The following MAP9 variants were observed in gnomAD, a reference collection of about 807,000 sequenced individuals.
MAP9 encodes microtubule-associated protein 9.
In MAP9, 80 loss-of-function variants were observed where a neutral mutation model predicts 75.2. The ratio of observed to expected loss-of-function variants is 1.06; its 90% CI spans 0.89 to 1.28. MAP9 has a LOEUF of 1.28. Ranked by LOEUF, MAP9 falls within the 50% of genes most tolerant of loss-of-function variation. The probability of loss-of-function intolerance (pLI) is 0.00; values close to 1 mark genes in which losing one functional copy is unlikely to be tolerated. For missense variants in MAP9, 753 were observed against 719.9 expected (o/e 1.05, Z -0.53); for synonymous variants, 235 against 237.3 (o/e 0.99, Z 0.09).
At chr4:155,356,343 T>C (rs1023153958) in intron 8 of MAP9, among the ~76,000 whole-genome samples, 17 of 152,060 alleles carry the variant, frequency 1.1e-4, no homozygotes, top group African/African-American at 4.1e-4. Flanking sequence ...AAATGTACAG[T>C]CTTAGTATAC....
At chr4:155,354,470 C>CTTTGT (rs1731671143) in intron 10 of MAP9, 1 of 126,502 alleles carries the variant, frequency 7.9e-6, no homozygotes, top group Non-Finnish European at 1.6e-5. Flanking sequence ...CTTGTCGTGC[C>CTTTGT]TTTTTTTTTT....
Position 155,353,320 on chromosome 4 carries a change from T to G in MAP9, c.1401A>C (p.Glu467Asp), listed in dbSNP as rs919707316. The G allele has an allele frequency of 2.5e-6, 4 of 1,576,504 alleles. No individual in the cohort carries two copies. In the African/African-American group the frequency reaches 4.1e-5, roughly 16 times the overall value. Residue 467 changes from glutamate (E) to aspartate (D), a missense_variant, in exon 11 of 14, where the codon GAA becomes GAC. Transcript: ENST00000311277. The stretch of plus-strand genomic sequence containing the variant: ...AGGCCTCAAATGATGCTAATGCTTC[T>G]TCTCTTTTAGCAGCTTTTTTCTACA... ...QNEQKKAAKR[E>D]EALASFEAWK...
intron 4 of MAP9, among the ~76,000 whole-genome samples, chr4:155,371,644 G>A (rs1732600483): frequency 6.6e-6 from 1 of 151,170 alleles, no homozygotes. Context: ...TATATAAGTA[G>A]AGCATTTAGG....
intron 5 of MAP9, 127 bp downstream of exon 5, chr4:155,368,459 T>C: frequency 1.3e-6 from 1 of 753,162 alleles, no homozygotes; most frequent in Non-Finnish European, 2.3e-6. Context: ...TCCTTATCAG[T>C]TGCAGAAGAA....
Position 155,362,141 on chromosome 4 carries a change from C to A in MAP9, c.709G>T (p.Asp237Tyr), listed in dbSNP as rs1278154941. The part of the protein sequence containing the change: ...KAFSENLDPE[D>Y]SCLTSLASSS... ...GATGCTAGACTTGTTAAGCATGAAT[C>A]CTGTTTTCGCAAAAAAAAATACATT... Residue 237 changes from aspartate to tyrosine, a missense_variant and splice_region_variant, in exon 6 of 14, where the codon GAT (aspartate) becomes TAT (tyrosine). Coordinates refer to ENST00000311277, the MANE Select transcript of MAP9 (RefSeq NM_001039580.2). The A allele has an allele frequency of 6.5e-7, 1 of 1,539,150 alleles. No individual in the cohort carries two copies. Among genetic ancestry groups the A allele is most frequent in the South Asian group, 1.2e-5 (1 of 81,072 alleles).
At chr4:155,370,974 A>G (rs933737146) in intron 4 of MAP9, among the ~76,000 whole-genome samples, 2 of 152,184 alleles carry the variant, frequency 1.3e-5, no homozygotes, top group South Asian at 2.1e-4. Context: ...AATGAGAACA[A>G]AGAGGTCTCA....
intron 5 of MAP9, among the ~76,000 whole-genome samples, chr4:155,366,040 T>A (rs1177728584): frequency 6.6e-6 from 1 of 152,040 alleles, no homozygotes; most frequent in Non-Finnish European, 1.5e-5. Flanking sequence ...AATTTTCAAA[T>A]CTAAAGATAA....
At chr4:155,368,121 A>G (rs1732412380) in intron 5 of MAP9, 1 of 181,474 alleles carries the variant, frequency 5.5e-6, no homozygotes, top group Admixed American at 5.7e-5. Flanking sequence ...GAAGAGTGCC[A>G]TGAACATTCA....
rs1451114058 is a variant in MAP9, at chr4:155,344,953, G to A, written c.*2830C>T. On this transcript the variant is annotated 3_prime_UTR_variant, in exon 14 of 14. Coordinates refer to ENST00000311277, the MANE Select transcript of MAP9 (RefSeq NM_001039580.2). The stretch of plus-strand genomic sequence containing the variant: ...GTGATCAACGCAATTTATAAAACCG[G>A]AACTTTTATATGAAAGTCTATATAC... The A allele has an allele frequency of 2.0e-5, 3 of 151,612 alleles. No homozygotes were observed. Among genetic ancestry groups the A allele is most frequent in the Non-Finnish European group, 4.4e-5 (3 of 67,792 alleles). 9.4% of individuals were successfully genotyped at this position (151,612 alleles called of 1,614,324 possible).
Position 155,373,266 on chromosome 4 carries a change from T to C in MAP9, c.351A>G (p.Ala117=). The C allele has an allele frequency of 1.9e-6, 3 of 1,613,788 alleles. No individual in the cohort carries two copies. The highest frequency in any genetic ancestry group is 2.5e-6 in the Non-Finnish European group (3 of 1,179,806). Residue 117 remains alanine, a synonymous_variant, in exon 4 of 14, where the codon GCA becomes GCG. Transcript: ENST00000311277. ...CAACAATGTCTTCACACCCATCAGG[T>C]GCCATTTCCTCTTCATTTTTGATGG... ...VCAIKNEEEM[A]PDGCEDIVVK...
chr4:155,361,873 A>C (rs1732095405), intron 6 of MAP9, among the ~76,000 whole-genome samples, 175 bp downstream of exon 6: 1 of 152,084 alleles, frequency 6.6e-6, no homozygotes, highest in African/African-American at 2.4e-5. Context: ...AGGCACTGAG[A>C]GATTAAGTTC....
intron 13 of MAP9, chr4:155,351,174 G>A (rs1201551443): frequency 6.6e-6 from 1 of 151,792 alleles, no homozygotes; most frequent in African/African-American, 2.4e-5. Flanking sequence ...CAATGGAACA[G>A]AAAGTTAAGA....
At chr4:155,359,654 A>C (rs1731975425) in intron 7 of MAP9, among the ~76,000 whole-genome samples, 1 of 152,112 alleles carries the variant, frequency 6.6e-6, no homozygotes, top group Non-Finnish European at 1.5e-5. Context: ...TTTGAAAATT[A>C]GGAAATAAAG....
intron 12 of MAP9, 28 bp downstream of exon 12, chr4:155,352,884 T>C: frequency 2.0e-6 from 3 of 1,468,182 alleles, no homozygotes; most frequent in Non-Finnish European, 2.8e-6. Context: ...ATTTAAAATA[T>C]ATCAAAATAT....
Position 155,362,061 on chromosome 4 carries a change from G to T in MAP9, c.789C>A (p.Asn263Lys). Residue 263 changes from asparagine (N) to lysine (K), a missense_variant, in exon 6 of 14, where the codon AAC becomes AAA. Physicochemically the swap from Asn to Lys is moderately conservative, Grantham distance 94 (BLOSUM62 0). Coordinates refer to ENST00000311277, the MANE Select transcript of MAP9 (RefSeq NM_001039580.2). Reference sequence around the variant, plus strand: ...AGATATAACCACCTTTTCCAGATGCGTTTCCCTCAGATCCTGGTGAAAAAG... The same window carrying T: ...AGATATAACCACCTTTTCCAGATGCTTTTCCCTCAGATCCTGGTGAAAAAG... ...GDSFSPGSEG[N>K]ASGKDPNEEI... The T allele has an allele frequency of 3.1e-6, 5 of 1,595,574 alleles. No homozygotes were observed. Among genetic ancestry groups the T allele is most frequent in the Non-Finnish European group, 2.6e-6 (3 of 1,169,154 alleles).
At chr4:155,372,185 G>T (rs1383445054) in intron 4 of MAP9, among the ~76,000 whole-genome samples, 2 of 152,066 alleles carry the variant, frequency 1.3e-5, no homozygotes. Context: ...ATGAGATTGT[G>T]GGGTCAGGAA....
chr4:155,365,648 T>C (rs887375571), intron 5 of MAP9, among the ~76,000 whole-genome samples: 14 of 152,100 alleles, frequency 9.2e-5, no homozygotes, highest in Non-Finnish European at 1.6e-4. Flanking sequence ...TTTGAAATCA[T>C]GTAAGATACA....
chr4:155,343,858 T>A lies in MAP9; in HGVS notation c.*3925A>T, dbSNP rs1731193796. The A allele has an allele frequency of 6.6e-6, 1 of 151,918 alleles. No individual in the cohort carries two copies. The highest frequency in any genetic ancestry group is 2.1e-4 in the South Asian group (1 of 4,824). 9.4% of individuals were successfully genotyped at this position (151,918 alleles called of 1,614,324 possible). On this transcript the variant is annotated 3_prime_UTR_variant, in exon 14 of 14. Coordinates refer to ENST00000311277, the MANE Select transcript of MAP9 (RefSeq NM_001039580.2). Reference sequence around the variant, plus strand: ...GGCATAATCACATGAAATTTTAAAGTAAAAATAACTCAGAGAAACTTCCAG... The same window carrying A: ...GGCATAATCACATGAAATTTTAAAGAAAAAATAACTCAGAGAAACTTCCAG...
rs1245740412 is a variant in MAP9, at chr4:155,343,391, T to TA, written c.*4391dup. 1 of 151,678 alleles carries TA rather than the reference T, an allele frequency of 6.6e-6. No homozygotes were observed. Among genetic ancestry groups the TA allele is most frequent in the Non-Finnish European group, 1.5e-5 (1 of 67,784 alleles). 9.4% of individuals were successfully genotyped at this position (151,678 alleles called of 1,614,324 possible). ...AGAGTACAAAATAATATGTTAGTTA[T>TA]AACTATCTTCAGGAGATGAGAACTG... On this transcript the variant is annotated 3_prime_UTR_variant, in exon 14 of 14. Coordinates refer to ENST00000311277, the MANE Select transcript of MAP9 (RefSeq NM_001039580.2).
Sources: gnomAD v4.1 joint callset for allele counts (sites outside exome capture counted in the v4.1 genomes callset) on GRCh38, gnomAD v4.1.1 for gene constraint, MANE v1.5 for transcripts, NCBI Gene and HGNC (gene_info 2026-07-23, HGNC 2026-07-21) for gene names.